The following PRKCB variants were observed in gnomAD, a reference collection of about 807,000 sequenced individuals.
PRKCB encodes protein kinase C beta, also known as protein kinase C beta type.
A neutral mutation model predicts 81.5 loss-of-function variants in PRKCB; 13 were observed. That is an observed-to-expected ratio of 0.16 (90% confidence interval 0.10 to 0.25). The LOEUF is 0.25. Ranked by LOEUF, PRKCB falls within the 10% of genes least tolerant of loss-of-function variation. The pLI, the probability that PRKCB is intolerant of heterozygous loss-of-function variation, is 1.00. For synonymous variants in PRKCB, 335 were observed against 321.4 expected, an observed-to-expected ratio of 1.04 and a Z score of -0.45; for missense variants, 509 against 875.7, an observed-to-expected ratio of 0.58 and a Z score of 5.29.
intron 12 of PRKCB, among the ~76,000 whole-genome samples, chr16:24,179,377 C>G (rs1330152360): frequency 6.6e-6 from 1 of 152,202 alleles, no homozygotes; most frequent in East Asian, 1.9e-4. Flanking sequence ...ATAGACAGAA[C>G]CACAGATGCC....
chr16:24,032,082 C>A, intron 3 of PRKCB, 54 bp from the exon 4 acceptor site: 1 of 1,293,498 alleles, frequency 7.7e-7, no homozygotes, highest in Non-Finnish European at 1.1e-6. Context: ...GTAGGATGAA[C>A]CGTTGGCATG....
At chr16:23,865,726 CT>C (rs1196501135) in intron 2 of PRKCB, among the ~76,000 whole-genome samples, 1 of 151,312 alleles carries the variant, frequency 6.6e-6, no homozygotes, top group African/African-American at 2.4e-5. Context: ...CATCAGGTGC[CT>C]CTGTGTTGGA....
intron 2 of PRKCB, among the ~76,000 whole-genome samples, chr16:23,987,334 G>C (rs1290603767): frequency 1.4e-5 from 2 of 143,408 alleles, no homozygotes; most frequent in African/African-American, 2.6e-5. Flanking sequence ...CTCTCTTGTA[G>C]TCTATTTGTT....
intron 3 of PRKCB, among the ~76,000 whole-genome samples, chr16:24,013,891 C>T (rs905849364): frequency 4.6e-5 from 7 of 152,088 alleles, no homozygotes; most frequent in Non-Finnish European, 1.5e-5. Flanking sequence ...TTGTTTCTAG[C>T]GGTCATGAGG....
At chr16:23,995,352 C>A (rs6497708) in intron 3 of PRKCB, among the ~76,000 whole-genome samples, 104,369 of 152,124 alleles carry the variant, frequency 0.69, 37,038 homozygotes, top group African/African-American at 0.87. Context: ...CTTGGGCCAT[C>A]TGACCCAGCA....
chr16:23,982,046 C>T (rs1596497287), intron 2 of PRKCB, among the ~76,000 whole-genome samples: 1 of 117,776 alleles, frequency 8.5e-6, no homozygotes, highest in African/African-American at 3.3e-5. Context: ...TCACCTTCCC[C>T]TTCCCTTTCC....
chr16:23,874,592 C>T (rs1249696174), intron 2 of PRKCB, among the ~76,000 whole-genome samples: 1 of 135,646 alleles, frequency 7.4e-6, no homozygotes. Flanking sequence ...TTGTTTTGCC[C>T]CAAGAGAGGC....
chr16:23,986,629 C>A (rs73540951), intron 2 of PRKCB, among the ~76,000 whole-genome samples: 3,278 of 152,236 alleles, frequency 0.022, 125 homozygotes, highest in African/African-American at 0.075. Context: ...TTCTCAATAT[C>A]AATAATCTTT....
At position 24,217,468 on chromosome 16, in the gene PRKCB, T is replaced by TA. The variant is rs1053708456; in HGVS notation, c.*2653dup. The TA allele has an allele frequency of 1.0e-6, 1 of 985,354 alleles. No individual in the cohort carries two copies. Among genetic ancestry groups the TA allele is most frequent in the Non-Finnish European group, 1.2e-6 (1 of 829,942 alleles). The allele number at this position is 985,354 out of a possible 1,614,324, so 61.0% of individuals were successfully genotyped here. On this transcript the variant is annotated 3_prime_UTR_variant, in exon 17 of 17. Coordinates refer to ENST00000643927, the MANE Select transcript of PRKCB (RefSeq NM_002738.7). Reference sequence around the variant, plus strand: ...TTAATAACCCTCCTTGGATGAGTGCTACTGTTTTCACATGGCTTCAGATGC... The same window carrying TA: ...TTAATAACCCTCCTTGGATGAGTGCTAACTGTTTTCACATGGCTTCAGATGC...
chr16:24,057,562 G>A (rs1965920185), intron 5 of PRKCB, among the ~76,000 whole-genome samples: 1 of 152,174 alleles, frequency 6.6e-6, no homozygotes, highest in East Asian at 1.9e-4. Flanking sequence ...TACACGCTGA[G>A]TATTTCATAG....
chr16:23,990,580 T>C (rs1185384775), intron 3 of PRKCB, among the ~76,000 whole-genome samples: 1 of 151,702 alleles, frequency 6.6e-6, no homozygotes, highest in African/African-American at 2.4e-5. Flanking sequence ...AATCTTGCTC[T>C]GTTGCCCAGG....
At chr16:23,960,009 C>T (rs1177491028) in intron 2 of PRKCB, among the ~76,000 whole-genome samples, 1 of 152,112 alleles carries the variant, frequency 6.6e-6, no homozygotes, top group Non-Finnish European at 1.5e-5. Context: ...AGCTGTTCAC[C>T]TGAGGGCTTG....
At chr16:23,959,334 C>G (rs1192624013) in intron 2 of PRKCB, among the ~76,000 whole-genome samples, 1 of 152,180 alleles carries the variant, frequency 6.6e-6, no homozygotes, top group Non-Finnish European at 1.5e-5. Flanking sequence ...GGGAGGAGCT[C>G]TGATCATTGA....
chr16:24,152,974 G>A (rs936871725), intron 9 of PRKCB, among the ~76,000 whole-genome samples: 1 of 152,208 alleles, frequency 6.6e-6, no homozygotes, highest in African/African-American at 2.4e-5. Flanking sequence ...CACTGTGGCT[G>A]TGATGAGAGA....
chr16:23,887,889 G>A (rs1186258612), intron 2 of PRKCB, among the ~76,000 whole-genome samples: 1 of 152,170 alleles, frequency 6.6e-6, no homozygotes, highest in African/African-American at 2.4e-5. Flanking sequence ...CCAGCAGGCA[G>A]AATGCTTGAA....
chr16:24,211,564 T>TA, intron 16 of PRKCB, among the ~76,000 whole-genome samples: 1 of 151,634 alleles, frequency 6.6e-6, no homozygotes, highest in East Asian at 1.9e-4. Context: ...TCACTTTTTT[T>TA]TTTTTTTTTT....
intron 7 of PRKCB, 45 bp from the exon 8 acceptor site, chr16:24,112,928 C>A: frequency 2.3e-6 from 3 of 1,302,634 alleles, no homozygotes; most frequent in East Asian, 2.4e-5. Flanking sequence ...AAAATAATAC[C>A]GAGTCGAGTC....
intron 2 of PRKCB, among the ~76,000 whole-genome samples, chr16:23,975,839 C>A (rs897832952): frequency 1.3e-5 from 2 of 152,080 alleles, no homozygotes; most frequent in African/African-American, 4.8e-5. Context: ...GTTTGTTAGT[C>A]AGGACTCCTT....
intron 3 of PRKCB, among the ~76,000 whole-genome samples, chr16:23,993,450 C>G (rs1018308648): frequency 1.3e-5 from 2 of 152,148 alleles, no homozygotes; most frequent in African/African-American, 4.8e-5. Context: ...GGAAAGGATT[C>G]AAAAGCTTAG....
Sources: allele counts gnomAD v4.1 joint callset (sites outside exome capture counted in the v4.1 genomes callset), GRCh38; gene constraint gnomAD v4.1.1; transcripts MANE v1.5; gene names NCBI Gene and HGNC (gene_info 2026-07-23, HGNC 2026-07-21).